ENTPD1: variants seen among roughly 807,000 people sequenced by gnomAD.
ENTPD1 encodes the protein ATP diphosphohydrolase.
A neutral mutation model predicts 57.0 loss-of-function variants in ENTPD1; 33 were observed. That is an observed-to-expected ratio of 0.58 (90% CI 0.44 to 0.77). The LOEUF is 0.77. ENTPD1 is among the 30% of genes least tolerant of loss of function. The pLI, the probability that ENTPD1 is intolerant of heterozygous loss-of-function variation, is 0.00. For synonymous variants in ENTPD1, 202 were observed against 218.8 expected (o/e 0.92, Z 0.68); for missense variants, 501 against 603.4 (o/e 0.83, Z 1.78).
the ENTPD1 span, among the ~76,000 whole-genome samples, chr10:95,705,938 A>T: frequency 6.6e-6 from 1 of 152,160 alleles, no homozygotes; most frequent in African/African-American, 2.4e-5. Flanking sequence ...TCTCTATGAA[A>T]AATTTAAAAA....
At chr10:95,756,039 C>T, upstream of ENTPD1, 1 of 1,472,642 alleles carries the variant, frequency 6.8e-7, no homozygotes, top group Non-Finnish European at 9.0e-7. Context: ...CTCAGTCAAT[C>T]TGTCCTTTCT....
intron 1 of ENTPD1, among the ~76,000 whole-genome samples, chr10:95,815,274 A>G (rs1292137420): frequency 6.6e-6 from 1 of 152,248 alleles, no homozygotes; most frequent in African/African-American, 2.4e-5. Flanking sequence ...AAGGCATTGA[A>G]GTGGAACTGA....
At chr10:95,749,382 G>A (rs1353283242) in intron 1 of ENTPD1, among the ~76,000 whole-genome samples, 1 of 152,084 alleles carries the variant, frequency 6.6e-6, no homozygotes, top group African/African-American at 2.4e-5. Context: ...TTTTATTGCT[G>A]CTCAAATGTC....
At chr10:95,776,148 C>G (rs1046961823) in intron 1 of ENTPD1, among the ~76,000 whole-genome samples, 33 of 152,066 alleles carry the variant, frequency 2.2e-4, no homozygotes, top group Non-Finnish European at 7.4e-5. Context: ...ATTTAAGGTT[C>G]ATATTGTTAT....
upstream of ENTPD1, among the ~76,000 whole-genome samples, chr10:95,752,565 G>A (rs1379726530): frequency 6.6e-6 from 1 of 152,136 alleles, no homozygotes; most frequent in African/African-American, 2.4e-5. Flanking sequence ...GCTGAGGCAG[G>A]AGAATCACTT....
chr10:95,808,650 G>A (rs2098282690), intron 1 of ENTPD1, among the ~76,000 whole-genome samples: 1 of 151,670 alleles, frequency 6.6e-6, no homozygotes, highest in African/African-American at 2.4e-5. Context: ...TGGTGTACTT[G>A]AGTCCACATG....
chr10:95,874,313 C>T lies in ENTPD1; in HGVS notation c.*7930C>T, dbSNP rs936098835. The stretch of plus-strand genomic sequence containing the variant: ...GAAATTGGCCAAAACAAAGGGGTTA[C>T]AGGGTCCATGCAAGTCTGAAATCCA... On this transcript the variant is annotated 3_prime_UTR_variant, in exon 10 of 10. Transcript: ENST00000371205. 3.3e-5 allele frequency among the ~76,000 whole-genome samples: 5 copies of T among 152,154 alleles called. No homozygotes were observed. The highest frequency in any genetic ancestry group is 7.3e-5 in the Non-Finnish European group (5 of 68,032).
At chr10:95,780,069 A>T (rs1790427100) in intron 1 of ENTPD1, among the ~76,000 whole-genome samples, 1 of 152,236 alleles carries the variant, frequency 6.6e-6, no homozygotes, top group Non-Finnish European at 1.5e-5. Flanking sequence ...ATTGTATTTT[A>T]TGCCAATTAT....
At chr10:95,764,018 G>A (rs2098078234) in intron 1 of ENTPD1, among the ~76,000 whole-genome samples, 2 of 152,132 alleles carry the variant, frequency 1.3e-5, no homozygotes, top group Non-Finnish European at 2.9e-5. Context: ...CATATCATAC[G>A]ATTCACCAAC....
At chr10:95,853,962 A>G (rs1376985012) in intron 7 of ENTPD1, among the ~76,000 whole-genome samples, 1 of 152,140 alleles carries the variant, frequency 6.6e-6, no homozygotes, top group African/African-American at 2.4e-5. Flanking sequence ...GAGTTAGGGC[A>G]GATTCCCTCT....
Position 95,867,845 on chromosome 10 carries a change from T to G in ENTPD1, c.*1462T>G. ...CGGAAGCCAAATGTCCCCTATCTCT[T>G]GAATGATCAAGTCACTTTTGACAAC... is the stretch of plus-strand genomic sequence containing the variant. On this transcript the variant is annotated 3_prime_UTR_variant, in exon 10 of 10. Coordinates refer to ENST00000371205, the MANE Select transcript of ENTPD1 (RefSeq NM_001776.6). 1 of 985,460 alleles carries G rather than the reference T, an allele frequency of 1.0e-6. No homozygotes were observed. Among genetic ancestry groups the G allele is most frequent in the East Asian group, 1.1e-4 (1 of 8,824 alleles). The allele number at this position is 985,460 out of a possible 1,614,324, so 61.0% of individuals were successfully genotyped here. A position where few individuals can be genotyped will look rare whatever the true frequency, so the allele number is the denominator to read the frequency against.
In ENTPD1 at chr10:95,874,705, A is replaced by C. The variant is rs994068667; in HGVS notation, c.*8322A>C. On this transcript the variant is annotated 3_prime_UTR_variant, in exon 10 of 10. Transcript: ENST00000371205. ...ACTGCCCTAGGAGAGGTTCCCCATG[A>C]GGGCTCTGCCCCTGCAGCAAACTTT... 6.6e-6 allele frequency among the ~76,000 whole-genome samples: 1 copy of C among 152,220 alleles called. No individual in the cohort carries two copies. Among genetic ancestry groups the C allele is most frequent in the Non-Finnish European group, 1.5e-5 (1 of 68,034 alleles).
At chr10:95,732,516 G>A (rs964554193) in intron 1 of ENTPD1, among the ~76,000 whole-genome samples, 1 of 152,158 alleles carries the variant, frequency 6.6e-6, no homozygotes, top group African/African-American at 2.4e-5. Context: ...GGGCTGCTGG[G>A]AGGGATTTGC....
intron 1 of ENTPD1, among the ~76,000 whole-genome samples, chr10:95,719,707 T>C (rs2097975399): frequency 6.6e-6 from 1 of 152,192 alleles, no homozygotes; most frequent in South Asian, 2.1e-4. Flanking sequence ...TAAAAGTAAA[T>C]CATCCACGTA....
At position 95,842,421 on chromosome 10, in the gene ENTPD1, G is replaced by A. The variant is rs2098424507; in HGVS notation, c.340G>A (p.Glu114Lys). Residue 114 changes from glutamate to lysine, a missense_variant, in exon 4 of 10, where the codon GAA becomes AAA. Physicochemically the swap from Glu to Lys is moderately conservative, Grantham distance 56. Transcript: ENST00000371205. ...YLTDCMERAREVIPRSQHQET... is the reference protein window; with the variant it reads ...YLTDCMERARKVIPRSQHQET... ...GACTGATTGCATGGAAAGAGCTAGGGAAGTGATTCCAAGGTCCCAGCACCA... is the reference window on the plus strand; with the variant it reads ...GACTGATTGCATGGAAAGAGCTAGGAAAGTGATTCCAAGGTCCCAGCACCA... 3.1e-6 allele frequency: 5 copies of A among 1,613,976 alleles called. No homozygotes were observed. The highest frequency in any genetic ancestry group is 4.2e-6 in the Non-Finnish European group (5 of 1,180,016).
At chr10:95,696,903 A>T in the ENTPD1 span, among the ~76,000 whole-genome samples, 13 of 152,192 alleles carry the variant, frequency 8.5e-5, no homozygotes, top group African/African-American at 3.1e-4. Context: ...TCCTTTTCCC[A>T]CTTCTCCCCC....
At chr10:95,789,026 A>T (rs1014464203) in intron 1 of ENTPD1, among the ~76,000 whole-genome samples, 1 of 152,210 alleles carries the variant, frequency 6.6e-6, no homozygotes, top group Non-Finnish European at 1.5e-5. Flanking sequence ...TTTTGGTTAC[A>T]GTTCAGTGGA....
rs1487171411 is a variant in ENTPD1 at position 95,874,810 on chromosome 10, C to T, written c.*8427C>T. Reference sequence around the variant, plus strand: ...CAAATCTCAATTCTTGACATCTCTGCACCCACAGGCTCAACATCACATGGA... The same window carrying T: ...CAAATCTCAATTCTTGACATCTCTGTACCCACAGGCTCAACATCACATGGA... On this transcript the variant is annotated 3_prime_UTR_variant, in exon 10 of 10. Transcript: ENST00000371205. Among the ~76,000 whole-genome samples, 1 of 152,258 alleles carries T rather than the reference C, an allele frequency of 6.6e-6. No homozygotes were observed. Among genetic ancestry groups the T allele is most frequent in the Non-Finnish European group, 1.5e-5 (1 of 68,044 alleles).
In ENTPD1 at chr10:95,792,110, T is replaced by A. The variant is rs74751192; in HGVS notation, c.17-31127T>A. Among the ~76,000 whole-genome samples, 20 of 151,950 alleles carry A rather than the reference T, an allele frequency of 1.3e-4. No individual in the cohort carries two copies. In the East Asian group the frequency reaches 3.9e-3, roughly 29 times the overall value. On this transcript the variant is annotated intron_variant, in intron 1 of 9. Coordinates refer to ENST00000371205, the MANE Select transcript of ENTPD1 (RefSeq NM_001776.6). ...AAAAGAAGTGAGAGTGGGAATGGTA[T>A]TAGGAGAAGAGAGCGTGGCTGAAGA...
Sources: allele counts gnomAD v4.1 joint callset (sites outside exome capture counted in the v4.1 genomes callset), GRCh38; gene constraint gnomAD v4.1.1; transcripts MANE v1.5; gene names NCBI Gene and HGNC (gene_info 2026-07-23, HGNC 2026-07-21).